The following BIRC6 variants were observed in gnomAD, a reference collection of about 807,000 sequenced individuals.
BIRC6 encodes dual E2 ubiquitin-conjugating enzyme/E3 ubiquitin-protein ligase BIRC6.
Under a neutral mutation model 503.3 loss-of-function variants are expected in BIRC6, and 98 were observed. The ratio of observed to expected loss-of-function variants is 0.19; its 90% CI spans 0.17 to 0.23. BIRC6 has a LOEUF of 0.23. Among genes scored for constraint, BIRC6 ranks in the 10% least tolerant of loss-of-function variants. The pLI is 1.00. For synonymous variants in BIRC6, 2,240 were observed against 2,078.7 expected (o/e 1.08, Z -2.11); for missense variants, 5,360 against 5,806.0 (o/e 0.92, Z 2.50).
intron 13 of BIRC6, among the ~76,000 whole-genome samples, chr2:32,434,747 G>C (rs2044509977): frequency 6.6e-6 from 1 of 151,988 alleles, no homozygotes; most frequent in Non-Finnish European, 1.5e-5. Context: ...TCAGGTGGCA[G>C]TACTCATGAG....
At chr2:32,596,047 G>C (rs1170758876) in intron 68 of BIRC6, among the ~76,000 whole-genome samples, 1 of 151,888 alleles carries the variant, frequency 6.6e-6, no homozygotes. Context: ...ATTCCTTTGT[G>C]TATTAAAGTA....
At chr2:32,451,709 T>C (rs1022740109) in intron 22 of BIRC6, among the ~76,000 whole-genome samples, 13 of 152,298 alleles carry the variant, frequency 8.5e-5, no homozygotes, top group African/African-American at 3.1e-4. Flanking sequence ...GGAATACCAT[T>C]TTTATTTGCA....
chr2:32,607,412 T>TA (rs1171922960), intron 71 of BIRC6, 43 bp from the exon 72 acceptor site: 4 of 1,351,378 alleles, frequency 3.0e-6, no homozygotes, highest in Non-Finnish European at 3.9e-6. Context: ...TAACCCACAG[T>TA]AAAAATGTCC....
intron 65 of BIRC6, among the ~76,000 whole-genome samples, chr2:32,568,660 A>G (rs140234123): frequency 1.7e-4 from 26 of 152,066 alleles, no homozygotes; most frequent in Non-Finnish European, 3.8e-4. Context: ...CCAAGCCAAC[A>G]TGGTGAAACA....
At chr2:32,461,609 A>G (rs1195615506) in intron 23 of BIRC6, among the ~76,000 whole-genome samples, 1 of 151,724 alleles carries the variant, frequency 6.6e-6, no homozygotes, top group Non-Finnish European at 1.5e-5. Context: ...TTTTAACATA[A>G]GGAAATTTAA....
chr2:32,498,438 G>A (rs1271038563), intron 45 of BIRC6, among the ~76,000 whole-genome samples: 1 of 151,990 alleles, frequency 6.6e-6, no homozygotes, highest in Non-Finnish European at 1.5e-5. Flanking sequence ...ATATTATTCC[G>A]TTCATGTATA....
chr2:32,442,378 C>T lies in BIRC6; in HGVS notation c.4161C>T (p.Asp1387=), dbSNP rs774127399. The change falls in exon 19 of 74, where the codon GAC becomes GAT. Residue 1387 remains aspartate (D), a synonymous_variant. Coordinates refer to ENST00000421745, the MANE Select transcript of BIRC6 (RefSeq NM_016252.4). The stretch of plus-strand genomic sequence containing the variant: ...CAAAAACACGAAAATTTCTGTCAGA[C>T]ATCGTACGTGTTTGCTTCTTTGAGG... ...LLSKTRKFLS[D]IVRVCFFEAG... is the part of the protein sequence containing the mutation. 4 of 1,611,828 alleles carry T rather than the reference C, an allele frequency of 2.5e-6. No homozygotes were observed. Among genetic ancestry groups the T allele is most frequent in the African/African-American group, 2.7e-5 (2 of 74,916 alleles).
In BIRC6 at chr2:32,357,990, A is replaced by AG. The variant is rs66869479; in HGVS notation, c.325+505dup. ...GCAGTCTGCTGTTCTCAGGTCCCGC[A>AG]GTGCGGGGGACAGACCGCGGGCTGT... On this transcript the variant is annotated intron_variant, in intron 1 of 73. Coordinates refer to ENST00000421745, the MANE Select transcript of BIRC6 (RefSeq NM_016252.4). The surrounding 1 kb of genome is among the most constrained non-coding windows in gnomAD (Gnocchi z 4.9). 1 allele frequency among the ~76,000 whole-genome samples: 147,637 copies of AG among 147,642 alleles called. 73,816 individuals are homozygous for AG. Among genetic ancestry groups the AG allele is most frequent in the Middle Eastern group, 1 (290 of 290 alleles).
chr2:32,443,667 C>G (rs1333713891), intron 20 of BIRC6, 79 bp downstream of exon 20: 2 of 1,112,302 alleles, frequency 1.8e-6, no homozygotes, highest in Non-Finnish European at 2.5e-6. Context: ...TATTTCATAA[C>G]TACTTTTTCT....
At chr2:32,368,989 G>A (rs2035386568) in intron 1 of BIRC6, among the ~76,000 whole-genome samples, 1 of 152,106 alleles carries the variant, frequency 6.6e-6, no homozygotes, top group Admixed American at 6.6e-5. Flanking sequence ...AGTAATTAAT[G>A]CCATAAGGAA....
chr2:32,502,615 A>G (rs952818874), intron 47 of BIRC6, among the ~76,000 whole-genome samples, 180 bp from the exon 48 acceptor site: 1 of 152,204 alleles, frequency 6.6e-6, no homozygotes, highest in Non-Finnish European at 1.5e-5. Context: ...CTCTGAGTTC[A>G]GGGAGATGGT....
In BIRC6 at chr2:32,357,436, A is replaced by G. The variant is rs1337374958; in HGVS notation, c.275A>G (p.Lys92Arg). ...ILAVTSRGTI[K>R]VIDGTSGATL... ...GCCGTCACTAGCCGCGGGACCATCA[A>G]AGTCATCGACGGCACCTCGGGGGCC... Residue 92 changes from lysine to arginine, a missense_variant, in exon 1 of 74, where the codon AAA becomes AGA. By Grantham distance (26) the Lys-to-Arg change is conservative (BLOSUM62 2). Around this residue, in one of 16 missense-constraint regions of BIRC6, gnomAD observed 47 missense variants for 93.3 expected, o/e 0.50. Coordinates refer to ENST00000421745, the MANE Select transcript of BIRC6 (RefSeq NM_016252.4). This position sits in a 1 kb window ranked among gnomAD's most constrained non-coding sequence, Gnocchi z 4.9. 25 of 1,549,880 alleles carry G rather than the reference A, an allele frequency of 1.6e-5. No individual in the cohort carries two copies. Among genetic ancestry groups the G allele is most frequent in the Middle Eastern group, 1.7e-4 (1 of 6,012 alleles).
At chr2:32,458,057 G>C (rs1467469547) in intron 23 of BIRC6, among the ~76,000 whole-genome samples, 1 of 152,072 alleles carries the variant, frequency 6.6e-6, no homozygotes. Flanking sequence ...GAATTCTATA[G>C]GGATTCTAAG....
intron 27 of BIRC6, 23 bp from the exon 28 acceptor site, chr2:32,467,880 A>T: frequency 3.2e-6 from 5 of 1,569,582 alleles, no homozygotes; most frequent in Non-Finnish European, 4.3e-6. Flanking sequence ...GTATATATGT[A>T]TATTTATAAT....
At position 32,501,868 on chromosome 2, in the gene BIRC6, T is replaced by A. The variant is rs2053232702; in HGVS notation, c.9187T>A (p.Cys3063Ser). ...MLQPILTYMA[C>S]GYMGRQGSLA... ...GCAGCCAATTTTAACATACATGGCC[T>A]GTGGATATATGGGCAGACAAGTAAG... The change falls in exon 47 of 74, where the codon TGT becomes AGT. Residue 3063 changes from cysteine (C) to serine (S), a missense_variant. Transcript: ENST00000421745. 6.2e-7 allele frequency: 1 copy of A among 1,609,042 alleles called. No individual in the cohort carries two copies.
chr2:32,535,889 C>T (rs2057192060), intron 61 of BIRC6, among the ~76,000 whole-genome samples: 1 of 152,208 alleles, frequency 6.6e-6, no homozygotes, highest in African/African-American at 2.4e-5. Flanking sequence ...ACACTGACTT[C>T]CACAATGGTT....
chr2:32,457,195 G>T (rs2047353366), intron 23 of BIRC6, among the ~76,000 whole-genome samples: 1 of 152,068 alleles, frequency 6.6e-6, no homozygotes, highest in African/African-American at 2.4e-5. Flanking sequence ...CAACTTTTCA[G>T]TGTTTCCTTA....
rs565197898 is a variant in BIRC6, at chr2:32,390,070, G to A, written c.839+1127G>A. ...AGACAGTGTTTCTCTGTGTTGGTCA[G>A]GCTGGTGTCGAACTCCCTACCTCAG... On this transcript the variant is annotated intron_variant, in intron 4 of 73. Transcript: ENST00000421745. Among the ~76,000 whole-genome samples, 6 of 152,248 alleles carry A rather than the reference G, an allele frequency of 3.9e-5. No homozygotes were observed. The East Asian group carries it at 1.2e-3, about 29-fold the overall frequency.
chr2:32,421,349 C>T (rs1209593577), intron 10 of BIRC6, among the ~76,000 whole-genome samples: 1 of 152,062 alleles, frequency 6.6e-6, no homozygotes, highest in Non-Finnish European at 1.5e-5. Context: ...TCGTGATCTG[C>T]CCGCCTTGAC....
Sources: gnomAD v4.1 joint callset for allele counts (sites outside exome capture counted in the v4.1 genomes callset) on GRCh38, gnomAD v4.1.1 for gene constraint, gnomAD v4.1.1 regional missense constraint, Gnocchi (gnomAD v3.1) non-coding constraint, MANE v1.5 for transcripts, NCBI Gene and HGNC (gene_info 2026-07-23, HGNC 2026-07-21) for gene names.